SDK1: variants seen among roughly 807,000 people sequenced by gnomAD.
SDK1 encodes the protein sidekick cell adhesion molecule 1, also known as protein sidekick-1.
A neutral mutation model predicts 245.5 loss-of-function variants in SDK1; 157 were observed. The observed-to-expected ratio is 0.64, with a 90% confidence interval of 0.56 to 0.73. The LOEUF (loss-of-function observed/expected upper bound fraction) is 0.73, where lower values mean the gene tolerates loss of function less well. SDK1 is among the 30% of genes least tolerant of loss of function. The pLI is 0.00. For synonymous variants in SDK1, 1,647 were observed against 1,278.5 expected (o/e 1.29, Z -6.15); for missense variants, 3,583 against 3,002.3 (o/e 1.19, Z -4.52).
chr7:3,914,606 C>G (rs1042620811), intron 5 of SDK1, among the ~76,000 whole-genome samples: 4 of 152,196 alleles, frequency 2.6e-5, no homozygotes, highest in East Asian at 3.9e-4. Flanking sequence ...AAGGCTTGCT[C>G]TTGCATGTGC....
chr7:3,683,964 C>A (rs934540583), intron 4 of SDK1, among the ~76,000 whole-genome samples: 2 of 152,174 alleles, frequency 1.3e-5, no homozygotes, highest in African/African-American at 4.8e-5. Flanking sequence ...AAAAGCACCC[C>A]CTTCATCACC....
intron 4 of SDK1, among the ~76,000 whole-genome samples, chr7:3,733,523 A>G (rs1779237518): frequency 6.6e-6 from 1 of 152,200 alleles, no homozygotes; most frequent in Non-Finnish European, 1.5e-5. Flanking sequence ...AGTGCTGAGC[A>G]GTGAGTGACT....
At chr7:4,003,272 C>T (rs529196856) in intron 14 of SDK1, among the ~76,000 whole-genome samples, 2 of 152,352 alleles carry the variant, frequency 1.3e-5, no homozygotes, top group South Asian at 2.1e-4. Context: ...AGACCAACCA[C>T]TCATGGTAGG....
At chr7:3,830,072 A>G (rs1033997608) in intron 5 of SDK1, among the ~76,000 whole-genome samples, 1 of 152,150 alleles carries the variant, frequency 6.6e-6, no homozygotes, top group Non-Finnish European at 1.5e-5. Flanking sequence ...GTCCCAGTGG[A>G]TTTATATGAC....
chr7:3,572,970 C>T (rs187166359), intron 1 of SDK1, among the ~76,000 whole-genome samples: 1 of 151,972 alleles, frequency 6.6e-6, no homozygotes, highest in Admixed American at 6.5e-5. Flanking sequence ...GACAGTGTTG[C>T]AGGCAGACGG....
At chr7:3,946,180 TTTTA>T (rs1780570751) in intron 5 of SDK1, among the ~76,000 whole-genome samples, 1 of 151,948 alleles carries the variant, frequency 6.6e-6, no homozygotes. Flanking sequence ...ACACGTTTTA[TTTTA>T]TTTATTTTTT....
At chr7:3,542,496 G>A (rs1445274216) in intron 1 of SDK1, among the ~76,000 whole-genome samples, 1 of 152,178 alleles carries the variant, frequency 6.6e-6, no homozygotes, top group Admixed American at 6.5e-5. Context: ...GCTGAAATGG[G>A]AGACATCGTT....
At chr7:3,370,943 C>G (rs1199907093) in intron 1 of SDK1, among the ~76,000 whole-genome samples, 1 of 152,106 alleles carries the variant, frequency 6.6e-6, no homozygotes, top group African/African-American at 2.4e-5. Flanking sequence ...ACCCAAACTC[C>G]CAACATGCAG....
intron 42 of SDK1, 70 bp downstream of exon 42, chr7:4,237,854 G>T (rs529223351): frequency 1.3e-6 from 2 of 1,562,818 alleles, no homozygotes; most frequent in African/African-American, 2.7e-5. Flanking sequence ...TCGTTCTCTC[G>T]TGGATCTGCC....
chr7:3,880,685 A>G (rs887594330), intron 5 of SDK1, among the ~76,000 whole-genome samples: 50 of 151,704 alleles, frequency 3.3e-4, no homozygotes, highest in African/African-American at 1.2e-3. Context: ...TGGTTTTCCC[A>G]AAAACACATT....
intron 5 of SDK1, among the ~76,000 whole-genome samples, chr7:3,830,947 G>A (rs1303023982): frequency 6.6e-6 from 1 of 152,144 alleles, no homozygotes; most frequent in African/African-American, 2.4e-5. Context: ...TATATTGAGA[G>A]TGACCCAAGA....
chr7:3,431,192 C>A (rs1377044644), intron 1 of SDK1, among the ~76,000 whole-genome samples: 4 of 152,096 alleles, frequency 2.6e-5, no homozygotes, highest in Non-Finnish European at 5.9e-5. Context: ...TGAGGCACCA[C>A]GCCTGGCCTT....
intron 4 of SDK1, among the ~76,000 whole-genome samples, chr7:3,758,853 A>C (rs1051603902): frequency 6.6e-6 from 1 of 152,132 alleles, no homozygotes; most frequent in Non-Finnish European, 1.5e-5. Flanking sequence ...ATTCCAACCC[A>C]TGTATACACA....
intron 35 of SDK1, among the ~76,000 whole-genome samples, chr7:4,194,804 C>G (rs140845133): frequency 1.8e-4 from 27 of 152,314 alleles, no homozygotes; most frequent in African/African-American, 5.5e-4. Flanking sequence ...TGGCAACACC[C>G]TCACAGACAC....
chr7:3,301,664 G>GCGGCCGCGGGGATCCCCGCC lies in SDK1; in HGVS notation c.87_106dup (p.Ala36GlyfsTer182), dbSNP rs1299895738. 1.0e-6 allele frequency: 1 copy of GCGGCCGCGGGGATCCCCGCC among 976,076 alleles called. No individual in the cohort carries two copies. The highest frequency in any genetic ancestry group is 1.2e-6 in the Non-Finnish European group (1 of 825,726). 60.5% of individuals were successfully genotyped at this position (976,076 alleles called of 1,614,324 possible). On this transcript the variant is annotated frameshift_variant, in exon 1 of 45. Transcript: ENST00000404826. LOFTEE classifies it high-confidence loss of function. ...AGCCCCCTGAGCGCGCGGGCCCCGG[G>GCGGCCGCGGGGATCCCCGCC]CGGCCGCGGGGATCCCCGCCCGGCC... is the stretch of plus-strand genomic sequence containing the variant.
intron 1 of SDK1, among the ~76,000 whole-genome samples, chr7:3,413,673 C>A (rs1006539985): frequency 6.6e-6 from 1 of 151,896 alleles, no homozygotes; most frequent in African/African-American, 2.4e-5. Context: ...GGCAACAGAG[C>A]GAAACTTCAT....
intron 1 of SDK1, among the ~76,000 whole-genome samples, chr7:3,381,582 A>T (rs1384535903): frequency 6.6e-6 from 1 of 152,174 alleles, no homozygotes; most frequent in Non-Finnish European, 1.5e-5. Context: ...ATACTGTAGC[A>T]TGCTTAGTTC....
At chr7:4,246,976 T>C (rs1018618866) in intron 44 of SDK1, among the ~76,000 whole-genome samples, 1 of 152,158 alleles carries the variant, frequency 6.6e-6, no homozygotes, top group African/African-American at 2.4e-5. Context: ...ACCATCTCCG[T>C]TTCTCATACT....
intron 35 of SDK1, among the ~76,000 whole-genome samples, chr7:4,200,525 G>A (rs528519684): frequency 6.6e-6 from 1 of 152,240 alleles, no homozygotes; most frequent in Non-Finnish European, 1.5e-5. Context: ...TTCTCTGAAA[G>A]TTCGACCGGG....
Sources: gnomAD v4.1 joint callset for allele counts (sites outside exome capture counted in the v4.1 genomes callset) on GRCh38, gnomAD v4.1.1 for gene constraint, MANE v1.5 for transcripts, NCBI Gene and HGNC (gene_info 2026-07-23, HGNC 2026-07-21) for gene names.